METTL16: variants seen among roughly 807,000 people sequenced by gnomAD.
METTL16 encodes RNA N(6)-adenosine-methyltransferase METTL16.
Under a neutral mutation model 57.9 loss-of-function variants are expected in METTL16, and 19 were observed. The ratio of observed to expected loss-of-function variants is 0.33; its 90% CI spans 0.23 to 0.48. The LOEUF (loss-of-function observed/expected upper bound fraction) is 0.48, where lower values mean the gene tolerates loss of function less well. Among genes scored for constraint, METTL16 ranks in the 20% least tolerant of loss-of-function variants. The pLI, the probability that METTL16 is intolerant of heterozygous loss-of-function variation, is 0.99. For synonymous variants in METTL16, 246 were observed against 255.6 expected (o/e 0.96, Z 0.36); for missense variants, 434 against 691.5 (o/e 0.63, Z 4.18).
chr17:2,440,994 A>AAAAAAAAAAAAAG (rs1555616313), intron 7 of METTL16, among the ~76,000 whole-genome samples: 6 of 118,900 alleles, frequency 5.0e-5, no homozygotes, highest in African/African-American at 9.3e-5. Context: ...AAAAAAAAAA[A>AAAAAAAAAAAAAG]AAGAAGAAGA....
At chr17:2,449,777 C>CA (rs1177288380) in intron 6 of METTL16, among the ~76,000 whole-genome samples, 1 of 152,114 alleles carries the variant, frequency 6.6e-6, no homozygotes, top group African/African-American at 2.4e-5. Flanking sequence ...GAAATACTTG[C>CA]AAAACACATT....
chr17:2,449,794 T>G (rs1283325818), intron 6 of METTL16, among the ~76,000 whole-genome samples: 8 of 152,124 alleles, frequency 5.3e-5, no homozygotes, highest in Admixed American at 5.2e-4. Flanking sequence ...CATTTGACAA[T>G]GGACTGTATT....
At position 2,467,895 on chromosome 17, in the gene METTL16, C is replaced by T. The variant is rs774591653; in HGVS notation, c.470-19G>A. ...TTCACCACTAGGAGAAAAAACAGGA[C>T]TGTGAACTAATATTAATGTTGCAGT... On this transcript the variant is annotated intron_variant, in intron 4 of 9. Transcript: ENST00000263092. 6.6e-7 allele frequency: 1 copy of T among 1,525,372 alleles called. No homozygotes were observed. Among genetic ancestry groups the T allele is most frequent in the Non-Finnish European group, 9.1e-7 (1 of 1,099,512 alleles). 94.5% of individuals were successfully genotyped at this position (1,525,372 alleles called of 1,614,324 possible).
chr17:2,425,286 C>T (rs1034642628), intron 8 of METTL16, among the ~76,000 whole-genome samples: 2 of 152,170 alleles, frequency 1.3e-5, no homozygotes, highest in African/African-American at 4.8e-5. Flanking sequence ...ATGAAGAGTG[C>T]TACACTCAAA....
intron 6 of METTL16, among the ~76,000 whole-genome samples, chr17:2,461,297 G>A (rs961451191): frequency 3.9e-5 from 6 of 152,118 alleles, no homozygotes; most frequent in Non-Finnish European, 7.3e-5. Flanking sequence ...GCAGACAGAG[G>A]CTGCAGTGAG....
At chr17:2,493,960 C>T (rs1032352555) in intron 2 of METTL16, among the ~76,000 whole-genome samples, 5 of 152,108 alleles carry the variant, frequency 3.3e-5, no homozygotes, top group African/African-American at 4.8e-5. Flanking sequence ...TCAAGACTGC[C>T]GTATCCTCTT....
chr17:2,432,185 C>T (rs1019125499), intron 8 of METTL16, among the ~76,000 whole-genome samples: 7 of 152,256 alleles, frequency 4.6e-5, no homozygotes, highest in East Asian at 3.9e-4. Context: ...CTCCTGACCT[C>T]GTGATCCGCC....
intron 6 of METTL16, among the ~76,000 whole-genome samples, chr17:2,449,493 C>CCA (rs1422592607): frequency 6.6e-6 from 1 of 151,968 alleles, no homozygotes; most frequent in Non-Finnish European, 1.5e-5. Flanking sequence ...CAGGCGTGAG[C>CCA]CACCATGTCT....
chr17:2,441,638 G>C, intron 6 of METTL16, 79 bp from the exon 7 acceptor site: 2 of 803,360 alleles, frequency 2.5e-6, no homozygotes, highest in Admixed American at 3.5e-5. Context: ...AAGTGAATAA[G>C]ATGAGAACAG....
At chr17:2,467,642 G>C (rs1436632589) in intron 5 of METTL16, 119 bp downstream of exon 5, 2 of 671,572 alleles carry the variant, frequency 3.0e-6, no homozygotes, top group Admixed American at 4.6e-5. Context: ...TGGCCAGGCT[G>C]GTCTCAAACT....
rs369114080 is a variant in METTL16, at chr17:2,481,449, G to A, written c.129-3564C>T. Reference sequence around the variant, plus strand: ...TGCTTCAACGATACAGAGAAGAAGAGAAAGGGATACAGCAAGCAAGACCCA... The same window carrying A: ...TGCTTCAACGATACAGAGAAGAAGAAAAAGGGATACAGCAAGCAAGACCCA... On this transcript the variant is annotated intron_variant, in intron 2 of 9. Coordinates refer to ENST00000263092, the MANE Select transcript of METTL16 (RefSeq NM_024086.4). 5.3e-5 allele frequency among the ~76,000 whole-genome samples: 8 copies of A among 152,194 alleles called. No individual in the cohort carries two copies. The South Asian group carries it at 1.0e-3, about 20-fold the overall frequency.
chr17:2,480,555 G>C (rs2151570661), intron 2 of METTL16, among the ~76,000 whole-genome samples: 1 of 152,278 alleles, frequency 6.6e-6, no homozygotes, highest in African/African-American at 2.4e-5. Flanking sequence ...CTCCCCAAAG[G>C]AATCGGAGTT....
chr17:2,471,039 T>C (rs9903798), intron 4 of METTL16, among the ~76,000 whole-genome samples: 4,158 of 152,294 alleles, frequency 0.027, 199 homozygotes, highest in African/African-American at 0.095. Context: ...AGAATAGATA[T>C]AGTCTTTTCA....
intron 2 of METTL16, among the ~76,000 whole-genome samples, chr17:2,485,055 CAGG>C (rs2067331624): frequency 6.6e-6 from 1 of 152,188 alleles, no homozygotes; most frequent in Non-Finnish European, 1.5e-5. Context: ...TGCCGCACAG[CAGG>C]AGGTGAGAGG....
chr17:2,495,080 T>C (rs1180781273), intron 2 of METTL16, among the ~76,000 whole-genome samples: 2 of 151,248 alleles, frequency 1.3e-5, no homozygotes, highest in East Asian at 1.9e-4. Context: ...CCAGGCATGG[T>C]GGCTCATGCC....
intron 8 of METTL16, among the ~76,000 whole-genome samples, chr17:2,424,920 C>T (rs1822879160): frequency 6.6e-6 from 1 of 151,918 alleles, no homozygotes; most frequent in African/African-American, 2.4e-5. Context: ...TGCACTCCAG[C>T]CTCGGTGACA....
intron 8 of METTL16, among the ~76,000 whole-genome samples, chr17:2,430,669 T>C (rs1471262963): frequency 6.6e-6 from 1 of 152,118 alleles, no homozygotes; most frequent in East Asian, 1.9e-4. Flanking sequence ...CCGCCGGCCT[T>C]GGCCTCCTAA....
intron 8 of METTL16, among the ~76,000 whole-genome samples, chr17:2,435,303 T>TG (rs1419825201): frequency 1.3e-5 from 2 of 150,788 alleles, no homozygotes; most frequent in African/African-American, 2.4e-5. Flanking sequence ...ATGGCGGGAG[T>TG]GGGGGTGGGG....
intron 1 of METTL16, among the ~76,000 whole-genome samples, chr17:2,508,127 A>T (rs1431386680): frequency 2.6e-5 from 4 of 151,788 alleles, no homozygotes; most frequent in Admixed American, 6.6e-5. Flanking sequence ...GATCAATAAA[A>T]AAAAAAAAAA....
Sources: gnomAD v4.1 joint callset for allele counts (sites outside exome capture counted in the v4.1 genomes callset) on GRCh38, gnomAD v4.1.1 for gene constraint, MANE v1.5 for transcripts, NCBI Gene and HGNC (gene_info 2026-07-23, HGNC 2026-07-21) for gene names.